The following EDA variants were observed in gnomAD, a reference collection of about 807,000 sequenced individuals.
EDA encodes the protein ectodysplasin A, also known as ectodysplasin-A.
A neutral mutation model predicts 23.6 loss-of-function variants in EDA; 2 were observed. That is an observed-to-expected ratio of 0.08 (90% CI 0.03 to 0.27). The LOEUF (loss-of-function observed/expected upper bound fraction) is 0.27, where lower values mean the gene tolerates loss of function less well. EDA is among the 10% of genes least tolerant of loss of function. EDA has a pLI of 1.00. For synonymous variants in EDA, 131 were observed against 132.0 expected (o/e 0.99, Z 0.05); for missense variants, 229 against 324.2 (o/e 0.71, Z 2.26).
At chrX:70,017,558 A>T (rs902343393) in intron 2 of EDA, among the ~76,000 whole-genome samples, 3 of 112,571 alleles carry the variant, frequency 2.7e-5, no homozygotes, top group Admixed American at 1.9e-4. Context: ...ACGTAAATCA[A>T]TAAAAATTAT....
chrX:69,815,706 C>T (rs1569341431), intron 1 of EDA, among the ~76,000 whole-genome samples: 1 of 111,955 alleles, frequency 8.9e-6, no homozygotes, highest in South Asian at 3.7e-4. Context: ...AGCTTCTGGG[C>T]ATAGGGGCGG....
intron 1 of EDA, among the ~76,000 whole-genome samples, chrX:69,858,845 T>C (rs1242173994): frequency 2.7e-5 from 3 of 111,697 alleles, no homozygotes; most frequent in Non-Finnish European, 5.6e-5. Context: ...AAACCAGCTA[T>C]GAATCTCTCT....
At chrX:69,994,627 T>C (rs2019632297) in intron 2 of EDA, among the ~76,000 whole-genome samples, 1 of 112,190 alleles carries the variant, frequency 8.9e-6, no homozygotes, top group Non-Finnish European at 1.9e-5. Flanking sequence ...CCTAAAACAC[T>C]TACCACCATA....
chrX:69,831,220 T>A (rs1266939284), intron 1 of EDA, among the ~76,000 whole-genome samples: 1 of 111,316 alleles, frequency 9.0e-6, no homozygotes, highest in Non-Finnish European at 1.9e-5. Flanking sequence ...CCCCAGCCCC[T>A]TACCCCACAA....
At chrX:70,000,159 A>G (rs1039498829) in intron 2 of EDA, among the ~76,000 whole-genome samples, 2 of 112,265 alleles carry the variant, frequency 1.8e-5, no homozygotes, top group Admixed American at 1.9e-4. Flanking sequence ...TTTCTGCTAG[A>G]ATTGGGAATA....
chrX:69,812,448 T>C (rs1439367834), intron 1 of EDA, among the ~76,000 whole-genome samples: 1 of 112,676 alleles, frequency 8.9e-6, no homozygotes. Context: ...ATTGTGCTTC[T>C]TGGAAAAATC....
chrX:69,870,581 G>C (rs1034871555), intron 1 of EDA, among the ~76,000 whole-genome samples: 11 of 111,064 alleles, frequency 9.9e-5, no homozygotes, highest in Non-Finnish European at 1.5e-4. Flanking sequence ...TGGCAGCATA[G>C]GTCAGGGAGG....
chrX:69,993,585 A>C (rs935355954), intron 2 of EDA, among the ~76,000 whole-genome samples: 1 of 112,403 alleles, frequency 8.9e-6, no homozygotes, highest in African/African-American at 3.2e-5. Flanking sequence ...GTCTGATTCA[A>C]AAGAGCTTGA....
intron 1 of EDA, among the ~76,000 whole-genome samples, chrX:69,764,234 C>CTTTTTTTTT (rs1189179243): frequency 2.0e-4 from 9 of 44,545 alleles, no homozygotes; most frequent in East Asian, 9.1e-4. Context: ...ATTTTTTATT[C>CTTTTTTTTT]TTTTTTTTTT....
chrX:69,711,545 T>G (rs2012036337), intron 1 of EDA, among the ~76,000 whole-genome samples: 1 of 111,807 alleles, frequency 8.9e-6, no homozygotes, highest in African/African-American at 3.3e-5. Context: ...TTTCTATTGA[T>G]TGGAATAGTT....
At chrX:70,004,422 C>T (rs899384619) in intron 2 of EDA, among the ~76,000 whole-genome samples, 1 of 111,987 alleles carries the variant, frequency 8.9e-6, no homozygotes, top group Non-Finnish European at 1.9e-5. Flanking sequence ...TCACGCTTTA[C>T]AGCAGATGCT....
At chrX:69,889,870 A>G (rs1048267212) in intron 1 of EDA, among the ~76,000 whole-genome samples, 2 of 111,601 alleles carry the variant, frequency 1.8e-5, no homozygotes, top group African/African-American at 3.3e-5. Context: ...ATCCAAGGTC[A>G]TGAGACTTCA....
chrX:69,995,022 G>C (rs757850364), intron 2 of EDA, among the ~76,000 whole-genome samples: 17 of 112,129 alleles, frequency 1.5e-4, no homozygotes, highest in African/African-American at 5.5e-4. Context: ...TGGTTAGTAG[G>C]TAACAGATTT....
chrX:69,795,800 G>A (rs1182032549), intron 1 of EDA, among the ~76,000 whole-genome samples: 1 of 110,130 alleles, frequency 9.1e-6, no homozygotes, highest in Non-Finnish European at 1.9e-5. Flanking sequence ...TTTCACCATG[G>A]GCCTGGGGAT....
intron 1 of EDA, among the ~76,000 whole-genome samples, chrX:69,817,185 CA>C (rs2016101024): frequency 9.0e-6 from 1 of 111,573 alleles, no homozygotes; most frequent in African/African-American, 3.3e-5. Flanking sequence ...AATTTGTTAC[CA>C]TCAGGCCTAC....
At chrX:69,948,825 T>C in intron 1 of EDA, among the ~76,000 whole-genome samples, 1 of 112,306 alleles carries the variant, frequency 8.9e-6, no homozygotes, top group Non-Finnish European at 1.9e-5. Flanking sequence ...TCTCTAGACC[T>C]TTTGTTGATA....
intron 1 of EDA, among the ~76,000 whole-genome samples, chrX:69,653,145 T>G (rs1284381072): frequency 8.9e-6 from 1 of 112,010 alleles, no homozygotes; most frequent in Non-Finnish European, 1.9e-5. Flanking sequence ...TATCCTCTTT[T>G]ATTTCATTGA....
intron 1 of EDA, among the ~76,000 whole-genome samples, chrX:69,933,540 G>T (rs1418056477): frequency 1.8e-5 from 2 of 110,867 alleles, no homozygotes; most frequent in Non-Finnish European, 3.8e-5. Context: ...AATTAGCTGG[G>T]TATGGTGGTG....
chrX:69,818,188 G>C (rs2016125225), intron 1 of EDA, among the ~76,000 whole-genome samples: 1 of 111,670 alleles, frequency 9.0e-6, no homozygotes, highest in Non-Finnish European at 1.9e-5. Flanking sequence ...CAAAGAGACA[G>C]TGAACCTGAT....
Sources: gnomAD v4.1 joint callset for allele counts (sites outside exome capture counted in the v4.1 genomes callset) on GRCh38, gnomAD v4.1.1 for gene constraint, MANE v1.5 for transcripts, NCBI Gene and HGNC (gene_info 2026-07-23, HGNC 2026-07-21) for gene names.